The following TRIM32 variants were observed in gnomAD, a reference collection of about 807,000 sequenced individuals.
TRIM32 encodes E3 ubiquitin-protein ligase TRIM32.
In TRIM32, 19 loss-of-function variants were observed where a neutral mutation model predicts 36.0. The observed-to-expected ratio is 0.53, with a 90% CI of 0.37 to 0.77. The LOEUF is 0.77. Among genes scored for constraint, TRIM32 ranks in the 30% least tolerant of loss-of-function variants. The pLI, the probability that TRIM32 is intolerant of heterozygous loss-of-function variation, is 0.00. For synonymous variants in TRIM32, 309 were observed against 318.5 expected, an observed-to-expected ratio of 0.97 and a Z score of 0.32; for missense variants, 747 against 845.2, an observed-to-expected ratio of 0.88 and a Z score of 1.44.
At position 116,698,264 on chromosome 9, in the gene TRIM32, C is replaced by T. The variant is rs1860982745; in HGVS notation, c.522C>T (p.Ser174=). ...QRRKAALEGV[S]KDLQARYKAV... is the part of the protein sequence containing the mutation. ...GGAAGGCAGCCTTGGAAGGTGTCTC[C>T]AAGGACCTTCAGGCAAGGTATAAAG... is the stretch of plus-strand genomic sequence containing the variant. The change falls in exon 2 of 2, where the codon TCC becomes TCT. Residue 174 remains serine (S), a synonymous_variant. Transcript: ENST00000450136. This position sits in a 1 kb window ranked among gnomAD's most constrained non-coding sequence, Gnocchi z 4.4. 7 of 1,614,096 alleles carry T rather than the reference C, an allele frequency of 4.3e-6. No homozygotes were observed. Among genetic ancestry groups the T allele is most frequent in the Non-Finnish European group, 5.9e-6 (7 of 1,180,024 alleles).
Position 116,698,183 on chromosome 9 carries a change from G to A in TRIM32, c.441G>A (p.Arg147=). 6.2e-7 allele frequency: 1 copy of A among 1,614,142 alleles called. No homozygotes were observed. ...PVKEAAEERR[R]DFGEKLTRLR... is the part of the protein sequence containing the mutation. ...AAGAAGCAGCTGAGGAGCGGCGTCG[G>A]GACTTTGGAGAGAAGTTAACTCGTC... The change falls in exon 2 of 2, where the codon CGG becomes CGA. Residue 147 remains arginine (R), a synonymous_variant. Coordinates refer to ENST00000450136, the MANE Select transcript of TRIM32 (RefSeq NM_012210.4). The surrounding 1 kb of genome is among the most constrained non-coding windows in gnomAD (Gnocchi z 4.4).
chr9:116,700,639 A>G lies in TRIM32; in HGVS notation c.*935A>G, dbSNP rs886063384. 2.4e-5 allele frequency: 4 copies of G among 167,018 alleles called. No homozygotes were observed. Among genetic ancestry groups the G allele is most frequent in the African/African-American group, 4.8e-5 (2 of 41,466 alleles). 10.3% of individuals were successfully genotyped at this position (167,018 alleles called of 1,614,324 possible). On this transcript the variant is annotated 3_prime_UTR_variant, in exon 2 of 2. Coordinates refer to ENST00000450136, the MANE Select transcript of TRIM32 (RefSeq NM_012210.4). ...ATGTTCATTACTAAAACAAACAGCAAAACTATTGGTTTGTTATTCTGTGTT... is the reference window on the plus strand; with the variant it reads ...ATGTTCATTACTAAAACAAACAGCAGAACTATTGGTTTGTTATTCTGTGTT...
At chr9:116,697,364 A>T (rs897391125) in intron 1 of TRIM32, 1 of 280,950 alleles carries the variant, frequency 3.6e-6, no homozygotes, top group Non-Finnish European at 6.9e-6. Context: ...TATTACTTCT[A>T]TTTTACAGAT....
At position 116,698,063 on chromosome 9, in the gene TRIM32, G is replaced by T. The variant is rs768844180; in HGVS notation, c.321G>T (p.Leu107=). ...TGTGTCGGTCCTGTGGGCGGCGTCT[G>T]CCCCGGCAATTCTGCCGGAGCTGTG... ...LLMCRSCGRR[L]PRQFCRSCGL... Residue 107 remains leucine, a synonymous_variant, in exon 2 of 2, where the codon CTG becomes CTT. Transcript: ENST00000450136. This position sits in a 1 kb window ranked among gnomAD's most constrained non-coding sequence, Gnocchi z 4.4. 9 of 1,614,062 alleles carry T rather than the reference G, an allele frequency of 5.6e-6. No homozygotes were observed. In the South Asian group the frequency reaches 7.7e-5, roughly 14 times the overall value.
At position 116,698,242 on chromosome 9, in the gene TRIM32, A is replaced by G. The variant is rs1302736352; in HGVS notation, c.500A>G (p.Lys167Arg). The G allele has an allele frequency of 1.9e-6, 3 of 1,614,162 alleles. No individual in the cohort carries two copies. The highest frequency in any genetic ancestry group is 2.5e-6 in the Non-Finnish European group (3 of 1,180,034). ...CTTATGGGGGAGCTGCAGCGGCGGA[A>G]GGCAGCCTTGGAAGGTGTCTCCAAG... ...RELMGELQRR[K>R]AALEGVSKDL... Residue 167 changes from lysine (K) to arginine (R), a missense_variant, in exon 2 of 2, where the codon AAG becomes AGG. Transcript: ENST00000450136. The surrounding 1 kb of genome is among the most constrained non-coding windows in gnomAD (Gnocchi z 4.4).
intron 1 of TRIM32, among the ~76,000 whole-genome samples, chr9:116,691,478 C>G (rs1034188931): frequency 1.3e-5 from 2 of 152,066 alleles, no homozygotes; most frequent in Non-Finnish European, 2.9e-5. Context: ...TCCAGGAAAC[C>G]CTATTATTCA....
chr9:116,699,928 A>G lies in TRIM32; in HGVS notation c.*224A>G. ...TTAAAAGATGCACTGCCCAAATAGG[A>G]CACACGATGGTGTTAGCTGAAGTTT... On this transcript the variant is annotated 3_prime_UTR_variant, in exon 2 of 2. Coordinates refer to ENST00000450136, the MANE Select transcript of TRIM32 (RefSeq NM_012210.4). The surrounding 1 kb of genome is among the most constrained non-coding windows in gnomAD (Gnocchi z 4.2). 2 of 646,204 alleles carry G rather than the reference A, an allele frequency of 3.1e-6. No individual in the cohort carries two copies. The highest frequency in any genetic ancestry group is 5.4e-6 in the Non-Finnish European group (2 of 369,604). 40.0% of individuals were successfully genotyped at this position (646,204 alleles called of 1,614,324 possible).
Position 116,698,431 on chromosome 9 carries a change from T to C in TRIM32, c.689T>C (p.Ile230Thr). The change falls in exon 2 of 2, where the codon ATT (isoleucine) becomes ACT (threonine). Residue 230 changes from isoleucine (I) to threonine (T), a missense_variant. By Grantham distance (89) the Ile-to-Thr change is moderately conservative. Coordinates refer to ENST00000450136, the MANE Select transcript of TRIM32 (RefSeq NM_012210.4). The surrounding 1 kb of genome is among the most constrained non-coding windows in gnomAD (Gnocchi z 4.4). ...GAGGAGCAGAGTTACCTGCTTAACATTGCAGAGGTGCAGGCTGTGTCTCGC... is the reference window on the plus strand; with the variant it reads ...GAGGAGCAGAGTTACCTGCTTAACACTGCAGAGGTGCAGGCTGTGTCTCGC... ...VVEEQSYLLN[I>T]AEVQAVSRCD... The C allele has an allele frequency of 6.2e-7, 1 of 1,614,068 alleles. No homozygotes were observed. Among genetic ancestry groups the C allele is most frequent in the Non-Finnish European group, 8.5e-7 (1 of 1,180,004 alleles).
Position 116,699,599 on chromosome 9 carries a change from G to C in TRIM32, c.1857G>C (p.Pro619=). 2.5e-6 allele frequency: 4 copies of C among 1,614,176 alleles called. No individual in the cohort carries two copies. The highest frequency in any genetic ancestry group is 3.4e-6 in the Non-Finnish European group (4 of 1,180,022). The change falls in exon 2 of 2, where the codon CCG becomes CCC. Residue 619 remains proline (P), a synonymous_variant. Coordinates refer to ENST00000450136, the MANE Select transcript of TRIM32 (RefSeq NM_012210.4). This position sits in a 1 kb window ranked among gnomAD's most constrained non-coding sequence, Gnocchi z 4.2. ...TTATTCGAGAGGGACTTACCTGTCCGGTGGGCATAGCCCTAACTCCTAAGG... is the reference window on the plus strand; with the variant it reads ...TTATTCGAGAGGGACTTACCTGTCCCGTGGGCATAGCCCTAACTCCTAAGG... ...SVLIREGLTC[P]VGIALTPKGQ... is the part of the protein sequence containing the mutation.
intron 1 of TRIM32, among the ~76,000 whole-genome samples, chr9:116,688,222 A>T (rs369246436): frequency 1.2e-4 from 18 of 152,166 alleles, no homozygotes; most frequent in African/African-American, 3.9e-4. Context: ...GAGGGTTGCA[A>T]TATACAGCCC....
intron 1 of TRIM32, among the ~76,000 whole-genome samples, chr9:116,694,753 G>T (rs1860757101): frequency 6.6e-6 from 1 of 151,386 alleles, no homozygotes; most frequent in Non-Finnish European, 1.5e-5. Context: ...TTACAGGCAT[G>T]AGCCACCACG....
rs765666809 is a variant in TRIM32 at position 116,699,172 on chromosome 9, C to T, written c.1430C>T (p.Ala477Val). ...CTGAGCAAACCATGGGGTATCACAG[C>T]CTTGCCATCTGGCCAGTTTGTAGTA... Reference protein sequence around the residue: ...SQLSKPWGITALPSGQFVVTD... With the variant: ...SQLSKPWGITVLPSGQFVVTD... The change falls in exon 2 of 2, where the codon GCC (alanine) becomes GTC (valine). Residue 477 changes from alanine to valine, a missense_variant. Coordinates refer to ENST00000450136, the MANE Select transcript of TRIM32 (RefSeq NM_012210.4). The surrounding 1 kb of genome is among the most constrained non-coding windows in gnomAD (Gnocchi z 4.2). 5.0e-6 allele frequency: 8 copies of T among 1,614,248 alleles called. No individual in the cohort carries two copies. Among genetic ancestry groups the T allele is most frequent in the Non-Finnish European group, 5.9e-6 (7 of 1,180,048 alleles).
chr9:116,696,017 CTT>C (rs1351245616), intron 1 of TRIM32, among the ~76,000 whole-genome samples: 1 of 152,152 alleles, frequency 6.6e-6, no homozygotes, highest in Non-Finnish European at 1.5e-5. Flanking sequence ...TCAAATGAAT[CTT>C]TCCATTTCCA....
chr9:116,690,837 T>A (rs992519131), intron 1 of TRIM32, among the ~76,000 whole-genome samples: 1 of 152,168 alleles, frequency 6.6e-6, no homozygotes, highest in Non-Finnish European at 1.5e-5. Context: ...TATAAAAAAA[T>A]GCCTGACAAT....
At chr9:116,695,208 A>C (rs986294469) in intron 1 of TRIM32, among the ~76,000 whole-genome samples, 5 of 152,220 alleles carry the variant, frequency 3.3e-5, no homozygotes, top group Non-Finnish European at 7.3e-5. Context: ...GACCTTGAGC[A>C]AGTTTTTCTG....
chr9:116,688,889 A>G (rs1412187308), intron 1 of TRIM32, among the ~76,000 whole-genome samples: 1 of 151,768 alleles, frequency 6.6e-6, no homozygotes, highest in Non-Finnish European at 1.5e-5. Flanking sequence ...GAAAAAAAAA[A>G]GGGAACCCTT....
rs532084545 is a variant in TRIM32 at position 116,699,733 on chromosome 9, T to C, written c.*29T>C. On this transcript the variant is annotated 3_prime_UTR_variant, in exon 2 of 2. Transcript: ENST00000450136. This position sits in a 1 kb window ranked among gnomAD's most constrained non-coding sequence, Gnocchi z 4.2. The stretch of plus-strand genomic sequence containing the variant: ...ATGAGAAATTATCAGTTTCTTCTGC[T>C]CCCAAGCCAACTTCCCTTCCCTTAG... 2 of 1,614,070 alleles carry C rather than the reference T, an allele frequency of 1.2e-6. No homozygotes were observed. Among genetic ancestry groups the C allele is most frequent in the East Asian group, 2.2e-5 (1 of 44,880 alleles).
intron 1 of TRIM32, among the ~76,000 whole-genome samples, chr9:116,693,533 A>T (rs2132057533): frequency 6.6e-6 from 1 of 152,040 alleles, no homozygotes. Flanking sequence ...ATGTGCTAGT[A>T]CAGTATGGTA....
At position 116,700,327 on chromosome 9, in the gene TRIM32, A is replaced by T; in HGVS notation, c.*623A>T. The T allele has an allele frequency of 5.9e-6, 1 of 168,230 alleles. No individual in the cohort carries two copies. 10.4% of individuals were successfully genotyped at this position (168,230 alleles called of 1,614,324 possible). On this transcript the variant is annotated 3_prime_UTR_variant, in exon 2 of 2. Coordinates refer to ENST00000450136, the MANE Select transcript of TRIM32 (RefSeq NM_012210.4). ...ACCTCTCGCCTGGAGGATCTGTGCCATCTTGGATTGAGAATTGCAGATGTG... is the reference window on the plus strand; with the variant it reads ...ACCTCTCGCCTGGAGGATCTGTGCCTTCTTGGATTGAGAATTGCAGATGTG...
Sources: allele counts gnomAD v4.1 joint callset (sites outside exome capture counted in the v4.1 genomes callset), GRCh38; gene constraint gnomAD v4.1.1; non-coding constraint Gnocchi (gnomAD v3.1); transcripts MANE v1.5; gene names NCBI Gene and HGNC (gene_info 2026-07-23, HGNC 2026-07-21).